Variants in LRRC7 observed in about 807,000 individuals in gnomAD.
LRRC7 encodes the protein leucine rich repeat containing 7, also known as leucine-rich repeat-containing protein 7.
In LRRC7, 23 loss-of-function variants were observed where a neutral mutation model predicts 175.7. The ratio of observed to expected loss-of-function variants is 0.13; its 90% CI spans 0.09 to 0.19. The LOEUF (loss-of-function observed/expected upper bound fraction) is 0.19, where lower values mean the gene tolerates loss of function less well. LRRC7 is among the 10% of genes least tolerant of loss of function. The probability of loss-of-function intolerance (pLI) is 1.00; values close to 1 mark genes in which losing one functional copy is unlikely to be tolerated. For synonymous variants in LRRC7, 685 were observed against 680.9 expected (o/e 1.01, Z -0.09); for missense variants, 1,354 against 1,904.7 (o/e 0.71, Z 5.38).
chr1:70,040,706 C>T (rs768738425), intron 21 of LRRC7, among the ~76,000 whole-genome samples: 2 of 151,914 alleles, frequency 1.3e-5, no homozygotes, highest in African/African-American at 4.8e-5. Flanking sequence ...CCCAGCTACT[C>T]GGGAGGCTGA....
chr1:70,020,951 T>C, intron 15 of LRRC7, 54 bp from the exon 16 acceptor site: 2 of 1,508,780 alleles, frequency 1.3e-6, no homozygotes, highest in East Asian at 4.7e-5. Context: ...TATTAAATAC[T>C]TTGTGTAAAA....
chr1:69,803,660 A>G (rs998973320), intron 4 of LRRC7, among the ~76,000 whole-genome samples: 1 of 151,454 alleles, frequency 6.6e-6, no homozygotes, highest in African/African-American at 2.4e-5. Flanking sequence ...TCTTTATTAT[A>G]AAATCATTTT....
intron 1 of LRRC7, among the ~76,000 whole-genome samples, chr1:69,578,730 T>A (rs187521969): frequency 3.6e-4 from 50 of 138,420 alleles, no homozygotes; most frequent in Non-Finnish European, 6.1e-4. Flanking sequence ...GTCATAGGTG[T>A]GAATTGAACA....
intron 24 of LRRC7, among the ~76,000 whole-genome samples, chr1:70,077,807 C>A (rs1476049171): frequency 6.6e-6 from 1 of 152,040 alleles, no homozygotes; most frequent in Non-Finnish European, 1.5e-5. Flanking sequence ...ATGATTATTT[C>A]AGAAAAAATG....
intron 1 of LRRC7, among the ~76,000 whole-genome samples, chr1:69,669,221 G>A (rs1338514603): frequency 8.6e-5 from 13 of 152,006 alleles, no homozygotes; most frequent in Admixed American, 8.5e-4. Context: ...TTTTCTTTCT[G>A]ATTGAAGTAC....
At chr1:70,086,778 T>C (rs1022579589) in intron 24 of LRRC7, among the ~76,000 whole-genome samples, 9 of 152,054 alleles carry the variant, frequency 5.9e-5, no homozygotes, top group Admixed American at 5.9e-4. Context: ...AAAATAATGG[T>C]TCTCATTAAA....
chr1:69,642,249 G>A (rs1654321449), intron 1 of LRRC7, among the ~76,000 whole-genome samples: 1 of 151,858 alleles, frequency 6.6e-6, no homozygotes, highest in Admixed American at 6.6e-5. Context: ...AGAGAAAAAT[G>A]TAGTCATTTT....
chr1:69,915,831 G>C (rs750075929), intron 7 of LRRC7, among the ~76,000 whole-genome samples: 1 of 151,112 alleles, frequency 6.6e-6, no homozygotes. Flanking sequence ...TATTTACATG[G>C]TTTACCTATA....
At chr1:69,658,756 C>A (rs771653335) in intron 1 of LRRC7, among the ~76,000 whole-genome samples, 1 of 151,970 alleles carries the variant, frequency 6.6e-6, no homozygotes, top group Non-Finnish European at 1.5e-5. Flanking sequence ...AGAATCACAT[C>A]GCAAAGTTTT....
At chr1:70,119,360 C>T (rs371536403) in intron 26 of LRRC7, among the ~76,000 whole-genome samples, 4 of 152,226 alleles carry the variant, frequency 2.6e-5, no homozygotes, top group Non-Finnish European at 4.4e-5. Context: ...GCTCATTCTA[C>T]ATGCGGCATT....
At chr1:69,919,348 G>A in intron 7 of LRRC7, 1 of 605,050 alleles carries the variant, frequency 1.7e-6, no homozygotes, top group Non-Finnish European at 2.9e-6. Context: ...AAGAGCGTGA[G>A]GAGGAAAGAT....
At chr1:69,824,397 T>A (rs2101234152) in intron 4 of LRRC7, among the ~76,000 whole-genome samples, 1 of 152,270 alleles carries the variant, frequency 6.6e-6, no homozygotes, top group East Asian at 1.9e-4. Flanking sequence ...TGTTTCGGCC[T>A]TCCAAAAACA....
In LRRC7 at chr1:69,778,931, T is replaced by C. The variant is rs1673145276; in HGVS notation, c.304-13112T>C. On this transcript the variant is annotated intron_variant, in intron 3 of 26. Transcript: ENST00000651989. ...ACACACACATACACACACACACTCA[T>C]ATATATACACATATATACACACACA... Among the ~76,000 whole-genome samples, 8 of 144,300 alleles carry C rather than the reference T, an allele frequency of 5.5e-5. No homozygotes were observed. In the South Asian group the frequency reaches 1.7e-3, roughly 31 times the overall value. The allele number at this position is 144,300 out of a possible 152,430, so 94.7% of individuals were successfully genotyped here.
At chr1:69,847,878 G>C (rs923069405) in intron 7 of LRRC7, among the ~76,000 whole-genome samples, 5 of 152,130 alleles carry the variant, frequency 3.3e-5, no homozygotes, top group African/African-American at 1.2e-4. Context: ...CAGAATGACT[G>C]CTCACAGCTT....
intron 11 of LRRC7, among the ~76,000 whole-genome samples, chr1:70,011,447 C>T (rs896128754): frequency 2.0e-5 from 3 of 152,066 alleles, no homozygotes; most frequent in Admixed American, 1.3e-4. Context: ...CCCTCTCCAC[C>T]CTTCTCCTTA....
At chr1:69,765,238 C>CT (rs1476719129) in intron 3 of LRRC7, among the ~76,000 whole-genome samples, 2 of 152,090 alleles carry the variant, frequency 1.3e-5, no homozygotes, top group Non-Finnish European at 2.9e-5. Flanking sequence ...AGTTAATTGA[C>CT]TTTCCTTAGG....
chr1:70,104,828 A>G (rs1466329271), intron 25 of LRRC7, among the ~76,000 whole-genome samples: 1 of 152,172 alleles, frequency 6.6e-6, no homozygotes, highest in Non-Finnish European at 1.5e-5. Context: ...AGCATTGCAG[A>G]TATGATGACC....
At chr1:69,842,647 T>A (rs1437158259) in intron 7 of LRRC7, among the ~76,000 whole-genome samples, 1 of 151,982 alleles carries the variant, frequency 6.6e-6, no homozygotes, top group Non-Finnish European at 1.5e-5. Flanking sequence ...AGTGGATGGA[T>A]TTGGTAGATG....
chr1:69,579,626 G>A (rs1451353078), intron 1 of LRRC7, among the ~76,000 whole-genome samples: 1 of 152,048 alleles, frequency 6.6e-6, no homozygotes, highest in Non-Finnish European at 1.5e-5. Flanking sequence ...TTCAATGAAT[G>A]AATCGTTCCA....
Sources: gnomAD v4.1 joint callset for allele counts (sites outside exome capture counted in the v4.1 genomes callset) on GRCh38, gnomAD v4.1.1 for gene constraint, MANE v1.5 for transcripts, NCBI Gene and HGNC (gene_info 2026-07-23, HGNC 2026-07-21) for gene names.